The following KCNT2 variants were observed in gnomAD, a reference collection of about 807,000 sequenced individuals.
The protein encoded by KCNT2 is potassium sodium-activated channel subfamily T member 2.
KCNT2 carries 67 observed loss-of-function variants against 153.8 expected under a neutral mutation model. The observed-to-expected ratio is 0.44, with a 90% CI of 0.36 to 0.53. The LOEUF (loss-of-function observed/expected upper bound fraction) is 0.53. KCNT2 is among the 20% of genes least tolerant of loss of function. The pLI is 0.00. For synonymous variants in KCNT2, 500 were observed against 458.8 expected (o/e 1.09, Z -1.15); for missense variants, 975 against 1,354.8 (o/e 0.72, Z 4.40).
intron 25 of KCNT2, among the ~76,000 whole-genome samples, chr1:196,263,823 C>A (rs1201624266): frequency 6.6e-6 from 1 of 152,130 alleles, no homozygotes; most frequent in East Asian, 1.9e-4. Context: ...AAAGATAAAT[C>A]AAATATAGTC....
chr1:196,337,633 C>T (rs971078529), intron 16 of KCNT2, among the ~76,000 whole-genome samples: 3 of 152,054 alleles, frequency 2.0e-5, no homozygotes, highest in African/African-American at 4.8e-5. Context: ...GCCAGGCTCC[C>T]ACTTTAGGGC....
intron 26 of KCNT2, among the ~76,000 whole-genome samples, chr1:196,256,384 C>A (rs1276676204): frequency 6.6e-6 from 1 of 151,890 alleles, no homozygotes; most frequent in Non-Finnish European, 1.5e-5. Context: ...TCCATGACAG[C>A]ATTTTCCATA....
intron 21 of KCNT2, among the ~76,000 whole-genome samples, chr1:196,310,904 A>G (rs1006607406): frequency 6.6e-6 from 1 of 151,812 alleles, no homozygotes; most frequent in East Asian, 1.9e-4. Flanking sequence ...TATGGCTTCT[A>G]AATTCCATTT....
chr1:196,279,541 G>C (rs1245858333), intron 25 of KCNT2, among the ~76,000 whole-genome samples: 1 of 151,624 alleles, frequency 6.6e-6, no homozygotes, highest in Non-Finnish European at 1.5e-5. Flanking sequence ...TTCTGCCTCA[G>C]CCTCCCGAGT....
At chr1:196,241,286 G>C (rs895355663) in intron 26 of KCNT2, among the ~76,000 whole-genome samples, 1 of 151,970 alleles carries the variant, frequency 6.6e-6, no homozygotes, top group Non-Finnish European at 1.5e-5. Context: ...CTACATAGTT[G>C]GTAATAGCAT....
At chr1:196,481,733 C>T (rs983015534) in intron 4 of KCNT2, among the ~76,000 whole-genome samples, 22 of 152,124 alleles carry the variant, frequency 1.4e-4, no homozygotes, top group African/African-American at 5.1e-4. Flanking sequence ...AAAGAAGTAA[C>T]GGAGACTCTA....
chr1:196,396,378 T>C (rs1025973027), intron 13 of KCNT2, among the ~76,000 whole-genome samples: 4 of 151,594 alleles, frequency 2.6e-5, no homozygotes, highest in Non-Finnish European at 5.9e-5. Flanking sequence ...CTCTTCATGG[T>C]AAAAAGCTGC....
chr1:196,442,181 C>T lies in KCNT2; in HGVS notation c.639-12424G>A, dbSNP rs1675291376. Among the ~76,000 whole-genome samples, 4 of 151,770 alleles carry T rather than the reference C, an allele frequency of 2.6e-5. No homozygotes were observed. In the South Asian group the frequency reaches 8.3e-4, roughly 31 times the overall value. On this transcript the variant is annotated intron_variant, in intron 8 of 27. Coordinates refer to ENST00000294725, the MANE Select transcript of KCNT2 (RefSeq NM_198503.5). ...AAAAGCTATTATAAAATTATTTTCA[C>T]GTTTTTAGAACAAAATCACATAAGA...
rs149411422 is a variant in KCNT2 at position 196,236,288 on chromosome 1, T to A, written c.3212-218A>T. Among the ~76,000 whole-genome samples the A allele has an allele frequency of 7.3e-5, 11 of 151,618 alleles. No individual in the cohort carries two copies. In the East Asian group the frequency reaches 1.9e-3, roughly 27 times the overall value. ...TTTTTGTTCCAATAGATGATAACAA[T>A]AAAGTATCTAATTCTGTTCAGAATA... On this transcript the variant is annotated intron_variant, in intron 26 of 27. Transcript: ENST00000294725.
intron 1 of KCNT2, among the ~76,000 whole-genome samples, chr1:196,560,125 A>C (rs1278740970): frequency 6.6e-6 from 1 of 151,892 alleles, no homozygotes; most frequent in Non-Finnish European, 1.5e-5. Context: ...CATCCAGAGG[A>C]ACTGCACTAA....
chr1:196,597,437 T>C (rs941571653), intron 1 of KCNT2, among the ~76,000 whole-genome samples: 2 of 152,006 alleles, frequency 1.3e-5, no homozygotes, highest in African/African-American at 4.8e-5. Context: ...AGATCTACTT[T>C]AAGAGAACAA....
intron 12 of KCNT2, among the ~76,000 whole-genome samples, chr1:196,411,501 C>A (rs1035115898): frequency 3.1e-5 from 4 of 129,198 alleles, no homozygotes; most frequent in Admixed American, 8.1e-5. Context: ...AAATAGTGAA[C>A]ACAGGATGTC....
At chr1:196,548,353 G>C (rs1657396002) in intron 1 of KCNT2, among the ~76,000 whole-genome samples, 1 of 151,932 alleles carries the variant, frequency 6.6e-6, no homozygotes, top group South Asian at 2.1e-4. Context: ...TGAAGGACAT[G>C]AACAGACACT....
intron 26 of KCNT2, chr1:196,257,185 T>G (rs1656589072): frequency 1.1e-6 from 1 of 947,166 alleles, no homozygotes. Flanking sequence ...AACAAGAATA[T>G]ACACATAAAG....
chr1:196,443,416 C>G (rs1675417250), intron 8 of KCNT2, among the ~76,000 whole-genome samples: 1 of 151,426 alleles, frequency 6.6e-6, no homozygotes, highest in South Asian at 2.1e-4. Flanking sequence ...AGCCTTGCAG[C>G]TAAACATTAT....
At chr1:196,431,269 T>C (rs1214893056) in intron 8 of KCNT2, among the ~76,000 whole-genome samples, 1 of 152,122 alleles carries the variant, frequency 6.6e-6, no homozygotes, top group Non-Finnish European at 1.5e-5. Flanking sequence ...CACTGAGAAA[T>C]AGGGTGTTGC....
At chr1:196,596,694 CAA>C (rs1341448103) in intron 1 of KCNT2, among the ~76,000 whole-genome samples, 3 of 152,092 alleles carry the variant, frequency 2.0e-5, no homozygotes, top group African/African-American at 4.8e-5. Flanking sequence ...AGGATTCTTA[CAA>C]AGTCTTTATT....
chr1:196,304,292 T>C (rs1427348614), intron 22 of KCNT2, among the ~76,000 whole-genome samples: 1 of 152,120 alleles, frequency 6.6e-6, no homozygotes, highest in Admixed American at 6.6e-5. Flanking sequence ...AACCAAAAAA[T>C]ATAAGGCATC....
At chr1:196,374,471 G>T (rs929229158) in intron 13 of KCNT2, among the ~76,000 whole-genome samples, 3 of 151,378 alleles carry the variant, frequency 2.0e-5, no homozygotes, top group African/African-American at 7.3e-5. Flanking sequence ...TATATACTAT[G>T]GATATATGTC....
Sources: allele counts gnomAD v4.1 joint callset (sites outside exome capture counted in the v4.1 genomes callset), GRCh38; gene constraint gnomAD v4.1.1; transcripts MANE v1.5; gene names NCBI Gene and HGNC (gene_info 2026-07-23, HGNC 2026-07-21).